The following GALK2 variants were observed in gnomAD, a reference collection of about 807,000 sequenced individuals.
GALK2 encodes N-acetylgalactosamine kinase.
In GALK2, 36 loss-of-function variants were observed where a neutral mutation model predicts 52.4. The ratio of observed to expected loss-of-function variants is 0.69; its 90% CI spans 0.53 to 0.91. GALK2 has a LOEUF of 0.91. GALK2 is among the 40% of genes least tolerant of loss of function. GALK2 has a pLI of 0.00. For missense variants in GALK2, 579 were observed against 559.1 expected, an observed-to-expected ratio of 1.04 and a Z score of -0.36; for synonymous variants, 176 against 199.1, an observed-to-expected ratio of 0.88 and a Z score of 0.98.
At chr15:49,281,575 C>A (rs1410818642) in intron 5 of GALK2, among the ~76,000 whole-genome samples, 4 of 152,126 alleles carry the variant, frequency 2.6e-5, no homozygotes, top group Non-Finnish European at 5.9e-5. Flanking sequence ...AATGACCCCA[C>A]TTTGGTTATG....
At chr15:49,304,807 G>A (rs928046351) in intron 8 of GALK2, among the ~76,000 whole-genome samples, 10 of 152,158 alleles carry the variant, frequency 6.6e-5, no homozygotes, top group African/African-American at 1.9e-4. Context: ...AATGAATATT[G>A]CTCTTGATCA....
At chr15:49,278,106 C>A (rs1028327907) in intron 5 of GALK2, among the ~76,000 whole-genome samples, 1 of 151,912 alleles carries the variant, frequency 6.6e-6, no homozygotes, top group Non-Finnish European at 1.5e-5. Flanking sequence ...ACTAAAAATA[C>A]AAAAATTAGC....
intron 8 of GALK2, among the ~76,000 whole-genome samples, chr15:49,296,485 C>T (rs2034490329): frequency 6.6e-6 from 1 of 152,166 alleles, no homozygotes. Flanking sequence ...CATAGTATTC[C>T]ACAGTGTATT....
chr15:49,355,732 A>C (rs1229825604), intron 3 of GALK2, among the ~76,000 whole-genome samples: 7 of 151,204 alleles, frequency 4.6e-5, no homozygotes, highest in East Asian at 3.9e-4. Flanking sequence ...TTCAGGAAAT[A>C]CAGAGAACAC....
At chr15:49,352,715 T>G (rs553094962) in intron 3 of GALK2, among the ~76,000 whole-genome samples, 122 of 152,296 alleles carry the variant, frequency 8.0e-4, no homozygotes, top group African/African-American at 2.9e-3. Context: ...TAAAATAGCT[T>G]GGTCATCACA....
intron 8 of GALK2, among the ~76,000 whole-genome samples, chr15:49,307,954 C>T (rs2035681009): frequency 6.6e-6 from 1 of 152,108 alleles, no homozygotes; most frequent in South Asian, 2.1e-4. Context: ...TTAGTCTTTG[C>T]AGCATGGGAA....
intron 1 of GALK2, among the ~76,000 whole-genome samples, chr15:49,171,849 G>A (rs2085121726): frequency 6.6e-6 from 1 of 150,920 alleles, no homozygotes; most frequent in African/African-American, 2.4e-5. Context: ...TCCGCTCACT[G>A]CAACCTCCAC....
At chr15:49,266,341 A>T (rs929330816) in intron 5 of GALK2, among the ~76,000 whole-genome samples, 1 of 152,126 alleles carries the variant, frequency 6.6e-6, no homozygotes, top group Non-Finnish European at 1.5e-5. Context: ...TCATCTTTTG[A>T]TGGGTGGAAC....
rs1057445327 is a variant in GALK2, at chr15:49,222,981, G to C, written c.266+5668G>C. ...ATTGGTATTTGTTCTTTGTAAGTTT[G>C]GTAGAATTTTTCAGTGAAGCTGTCC... On this transcript the variant is annotated intron_variant, in intron 3 of 9. Coordinates refer to ENST00000560031, the MANE Select transcript of GALK2 (RefSeq NM_002044.4). The C allele has an allele frequency of 3.3e-5, 5 of 152,208 alleles. No individual in the cohort carries two copies. The East Asian group carries it at 9.7e-4, about 29-fold the overall frequency. The allele number at this position is 152,208 out of a possible 1,614,324, so 9.4% of individuals were successfully genotyped here.
intron 1 of GALK2, chr15:49,156,704 C>T: frequency 1.9e-6 from 1 of 526,554 alleles, no homozygotes; most frequent in African/African-American, 1.9e-5. Context: ...TAATCATAAA[C>T]TTTATCCAGA....
chr15:49,357,778 C>A (rs2043432410), intron 3 of GALK2, among the ~76,000 whole-genome samples: 1 of 151,830 alleles, frequency 6.6e-6, no homozygotes, highest in African/African-American at 2.4e-5. Context: ...AGCAGAGACA[C>A]AACAAAAAAA....
rs191846646 is a variant in GALK2, at chr15:49,174,458, G to A, written c.53+4083G>A. 2.0e-4 allele frequency among the ~76,000 whole-genome samples: 30 copies of A among 152,194 alleles called. No individual in the cohort carries two copies. The East Asian group carries it at 5.8e-3, about 29-fold the overall frequency. On this transcript the variant is annotated intron_variant, in intron 1 of 9. Coordinates refer to ENST00000560031, the MANE Select transcript of GALK2 (RefSeq NM_002044.4). Reference sequence around the variant, plus strand: ...CTTGCCGGGTTCAAGCAGTTTTCCTGCCTCAGCCTCCCAAGTAGCTGGGAC... The same window carrying A: ...CTTGCCGGGTTCAAGCAGTTTTCCTACCTCAGCCTCCCAAGTAGCTGGGAC...
At chr15:49,248,910 A>T (rs1017539221) in intron 5 of GALK2, among the ~76,000 whole-genome samples, 1 of 152,196 alleles carries the variant, frequency 6.6e-6, no homozygotes, top group African/African-American at 2.4e-5. Flanking sequence ...AAGTGGTTTC[A>T]AATGAAACCA....
In GALK2 at chr15:49,357,515, A is replaced by G. The variant is rs532115955; in HGVS notation, c.427-9976A>G. On this transcript the variant is annotated intron_variant, in intron 3 of 3. Coordinates refer to the GALK2 transcript ENST00000558399. Reference sequence around the variant, plus strand: ...ATAATGGATAAATTCCTCGACACATACACTCTCCCAAGACTAAACCAGGAA... The same window carrying G: ...ATAATGGATAAATTCCTCGACACATGCACTCTCCCAAGACTAAACCAGGAA... Among the ~76,000 whole-genome samples the G allele has an allele frequency of 9.2e-5, 14 of 152,236 alleles. No homozygotes were observed. The East Asian group carries it at 2.7e-3, about 29-fold the overall frequency.
intron 8 of GALK2, among the ~76,000 whole-genome samples, chr15:49,302,583 T>C (rs1029151178): frequency 6.6e-6 from 1 of 152,222 alleles, no homozygotes; most frequent in African/African-American, 2.4e-5. Context: ...GTAAAAAGGG[T>C]CAGTTGTTTA....
chr15:49,168,302 A>G (rs775031472), upstream of GALK2, among the ~76,000 whole-genome samples: 1 of 152,210 alleles, frequency 6.6e-6, no homozygotes, highest in African/African-American at 2.4e-5. Context: ...AACAGTTTCT[A>G]CAGTCATTTT....
At position 49,231,323 on chromosome 15, in the gene GALK2, C is replaced by T. The variant is rs187482641; in HGVS notation, c.267-4528C>T. 7.9e-5 allele frequency among the ~76,000 whole-genome samples: 12 copies of T among 152,214 alleles called. No individual in the cohort carries two copies. The East Asian group carries it at 1.9e-3, about 24-fold the overall frequency. On this transcript the variant is annotated intron_variant, in intron 3 of 9. Coordinates refer to ENST00000560031, the MANE Select transcript of GALK2 (RefSeq NM_002044.4). ...ACCAAGTCAAGTGAGAACTGTATCACGAGAAGAGTACCAAAGGGGGAAATC... is the reference window on the plus strand; with the variant it reads ...ACCAAGTCAAGTGAGAACTGTATCATGAGAAGAGTACCAAAGGGGGAAATC...
At chr15:49,342,702 A>G (rs767140140) in intron 3 of GALK2, among the ~76,000 whole-genome samples, 1 of 152,144 alleles carries the variant, frequency 6.6e-6, no homozygotes, top group African/African-American at 2.4e-5. Context: ...TCCCTTAAAG[A>G]TCTCTTATGA....
intron 5 of GALK2, among the ~76,000 whole-genome samples, chr15:49,262,391 A>G (rs1268889968): frequency 2.0e-5 from 3 of 151,968 alleles, no homozygotes; most frequent in Admixed American, 2.0e-4. Context: ...GGTAGTTTGT[A>G]TTTCTGTGGG....
Sources: allele counts gnomAD v4.1 joint callset (sites outside exome capture counted in the v4.1 genomes callset), GRCh38; gene constraint gnomAD v4.1.1; transcripts MANE v1.5; gene names NCBI Gene and HGNC (gene_info 2026-07-23, HGNC 2026-07-21).